The following FHIT variants were observed in gnomAD, a reference collection of about 807,000 sequenced individuals.
The protein encoded by FHIT is fragile histidine triad diadenosine triphosphatase.
Under a neutral mutation model 17.9 loss-of-function variants are expected in FHIT, and 19 were observed. The observed-to-expected ratio is 1.06, with a 90% CI of 0.74 to 1.56. FHIT has a LOEUF of 1.56. Ranked by LOEUF, FHIT falls within the 40% of genes most tolerant of loss-of-function variation. The pLI is 0.00. For missense variants in FHIT, 248 were observed against 189.2 expected (o/e 1.31, Z -1.82); for synonymous variants, 81 against 69.7 (o/e 1.16, Z -0.81).
intron 7 of FHIT, among the ~76,000 whole-genome samples, chr3:59,924,030 G>A (rs544975370): frequency 6.6e-6 from 1 of 152,234 alleles, no homozygotes; most frequent in East Asian, 1.9e-4. Context: ...ACGTGAGCAT[G>A]GAGAGAGAAA....
chr3:59,817,143 C>T (rs1700627893), intron 8 of FHIT, among the ~76,000 whole-genome samples: 1 of 152,156 alleles, frequency 6.6e-6, no homozygotes, highest in Admixed American at 6.5e-5. Flanking sequence ...TTCTAAATTA[C>T]CATCTATAAG....
At chr3:60,639,627 T>C (rs1235609570) in intron 4 of FHIT, among the ~76,000 whole-genome samples, 1 of 152,138 alleles carries the variant, frequency 6.6e-6, no homozygotes, top group Non-Finnish European at 1.5e-5. Context: ...TTATACTGTA[T>C]CCACCTGCCA....
At chr3:60,599,327 A>G (rs2038368063) in intron 4 of FHIT, among the ~76,000 whole-genome samples, 1 of 152,214 alleles carries the variant, frequency 6.6e-6, no homozygotes, top group Non-Finnish European at 1.5e-5. Flanking sequence ...GTCACAGTCA[A>G]TTGGCCAGTG....
intron 8 of FHIT, among the ~76,000 whole-genome samples, chr3:59,803,836 AT>A (rs987597772): frequency 2.0e-5 from 3 of 152,324 alleles, no homozygotes. Context: ...AAAATAAAAA[AT>A]ATCAGAATTA....
At chr3:60,881,114 C>A (rs1333380777) in intron 3 of FHIT, among the ~76,000 whole-genome samples, 1 of 151,964 alleles carries the variant, frequency 6.6e-6, no homozygotes, top group African/African-American at 2.4e-5. Context: ...ATACTCCATG[C>A]AAATAAAAAT....
Position 61,086,373 on chromosome 3 carries a change from ATTACC to A in FHIT, c.-163-44279_-163-44275del, listed in dbSNP as rs1227973678. ...TTATTACATCATTTGATTTTTGAAC[ATTACC>A]TTACCACTCATATCTATAATAAATA... On this transcript the variant is annotated intron_variant, in intron 2 of 9. Transcript: ENST00000492590. Among the ~76,000 whole-genome samples the A allele has an allele frequency of 2.6e-5, 4 of 152,278 alleles. No homozygotes were observed. In the East Asian group the frequency reaches 7.7e-4, roughly 29 times the overall value.
At chr3:60,874,153 G>A (rs1704539101) in intron 3 of FHIT, among the ~76,000 whole-genome samples, 1 of 152,020 alleles carries the variant, frequency 6.6e-6, no homozygotes, top group African/African-American at 2.4e-5. Context: ...ATCTAGACAA[G>A]GCTAATGGTA....
chr3:60,296,138 T>C (rs1375516221), intron 5 of FHIT, among the ~76,000 whole-genome samples: 3 of 152,126 alleles, frequency 2.0e-5, no homozygotes, highest in African/African-American at 7.2e-5. Context: ...TGTGAGTCCA[T>C]TAAACCTCTT....
intron 5 of FHIT, among the ~76,000 whole-genome samples, chr3:60,136,745 G>A (rs12629469): frequency 0.36 from 54,946 of 151,962 alleles, 11,525 homozygotes; most frequent in Middle Eastern, 0.48. Context: ...GAAATGAGTT[G>A]GGGGCTATCC....
chr3:60,842,241 A>G (rs1282548571), intron 3 of FHIT, among the ~76,000 whole-genome samples: 5 of 152,074 alleles, frequency 3.3e-5, no homozygotes, highest in Non-Finnish European at 2.9e-5. Flanking sequence ...TGTAGTAATG[A>G]GCAACACAAA....
chr3:60,303,047 T>C (rs1708513995), intron 5 of FHIT, among the ~76,000 whole-genome samples: 1 of 152,172 alleles, frequency 6.6e-6, no homozygotes, highest in Non-Finnish European at 1.5e-5. Context: ...CTAGGAAGGA[T>C]GTAAATTTCA....
chr3:60,586,940 C>A (rs1276160138), intron 4 of FHIT, among the ~76,000 whole-genome samples: 2 of 151,998 alleles, frequency 1.3e-5, no homozygotes, highest in African/African-American at 4.8e-5. Flanking sequence ...AATAAACCCA[C>A]ATGACATGAG....
At chr3:60,038,241 G>C (rs1031803624) in intron 5 of FHIT, among the ~76,000 whole-genome samples, 5 of 152,108 alleles carry the variant, frequency 3.3e-5, no homozygotes, top group Admixed American at 6.6e-5. Flanking sequence ...ATGTGCTATA[G>C]TTATTGATCT....
intron 4 of FHIT, among the ~76,000 whole-genome samples, chr3:60,812,173 C>T (rs1301034348): frequency 7.1e-6 from 1 of 140,838 alleles, no homozygotes; most frequent in Non-Finnish European, 1.6e-5. Flanking sequence ...GAAATACAGA[C>T]TCTTTTTTTT....
At chr3:60,214,188 T>C (rs757565758) in intron 5 of FHIT, among the ~76,000 whole-genome samples, 11 of 152,160 alleles carry the variant, frequency 7.2e-5, no homozygotes, top group Non-Finnish European at 1.5e-4. Flanking sequence ...GAAAAAGCAA[T>C]TGTACTGCCA....
intron 1 of FHIT, among the ~76,000 whole-genome samples, chr3:61,250,602 G>A (rs2040598175): frequency 6.6e-6 from 1 of 152,152 alleles, no homozygotes; most frequent in Non-Finnish European, 1.5e-5. Context: ...TGAGCCTACA[G>A]AGAAATCTGC....
intron 3 of FHIT, among the ~76,000 whole-genome samples, chr3:60,839,588 G>A (rs1249966221): frequency 6.6e-6 from 1 of 151,924 alleles, no homozygotes; most frequent in Non-Finnish European, 1.5e-5. Flanking sequence ...GACAGTGGCT[G>A]AGAAAAAAAA....
At chr3:60,616,672 AC>A (rs2038961276) in intron 4 of FHIT, 1 of 152,224 alleles carries the variant, frequency 6.6e-6, no homozygotes, top group South Asian at 2.1e-4. Flanking sequence ...TGAAAGAAAT[AC>A]AAAAGATCTA....
chr3:60,249,520 A>C (rs917494722), intron 5 of FHIT, among the ~76,000 whole-genome samples: 5 of 146,366 alleles, frequency 3.4e-5, no homozygotes, highest in Admixed American at 2.8e-4. Flanking sequence ...TGAAAGTTGG[A>C]CCAATAAGGA....
Sources: gnomAD v4.1 joint callset for allele counts (sites outside exome capture counted in the v4.1 genomes callset) on GRCh38, gnomAD v4.1.1 for gene constraint, MANE v1.5 for transcripts, NCBI Gene and HGNC (gene_info 2026-07-23, HGNC 2026-07-21) for gene names.